The following IGSF21 variants were observed in gnomAD, a reference collection of about 807,000 sequenced individuals.
The protein encoded by IGSF21 is immunoglobulin superfamily member 21.
In IGSF21, 28 loss-of-function variants were observed where a neutral mutation model predicts 46.8. The observed-to-expected ratio is 0.60, with a 90% CI of 0.44 to 0.82. The LOEUF (loss-of-function observed/expected upper bound fraction) is 0.82. IGSF21 is among the 40% of genes least tolerant of loss of function. The pLI is 0.00. For synonymous variants in IGSF21, 284 were observed against 273.6 expected, an observed-to-expected ratio of 1.04 and a Z score of -0.38; for missense variants, 624 against 665.5, an observed-to-expected ratio of 0.94 and a Z score of 0.69.
In IGSF21 at chr1:18,156,834, G is replaced by A. The variant is rs376376946; in HGVS notation, c.70+48636G>A. Among the ~76,000 whole-genome samples, 115 of 152,284 alleles carry A rather than the reference G, an allele frequency of 7.6e-4. 2 individuals are homozygous for A. Among genetic ancestry groups the A allele is most frequent in the African/African-American group, 2.5e-3 (105 of 41,566 alleles). ...AGAGCGGACAGTGGGACTGAAATCCGGACTCAGCAGTTCCCGTCAAAAAGA... is the reference window on the plus strand; with the variant it reads ...AGAGCGGACAGTGGGACTGAAATCCAGACTCAGCAGTTCCCGTCAAAAAGA... On this transcript the variant is annotated intron_variant, in intron 1 of 9. Coordinates refer to ENST00000251296, the MANE Select transcript of IGSF21 (RefSeq NM_032880.5).
intron 1 of IGSF21, among the ~76,000 whole-genome samples, chr1:18,195,707 C>T (rs2124479110): frequency 6.6e-6 from 1 of 152,332 alleles, no homozygotes; most frequent in African/African-American, 2.4e-5. Flanking sequence ...GGCAGCGGCA[C>T]ACAACAGCTA....
intron 2 of IGSF21, among the ~76,000 whole-genome samples, chr1:18,272,364 A>G (rs1459943184): frequency 6.6e-6 from 1 of 152,134 alleles, no homozygotes; most frequent in Non-Finnish European, 1.5e-5. Flanking sequence ...CCTCTCTGCC[A>G]CTTCCTGGCT....
At chr1:18,238,889 C>T (rs764866530) in intron 2 of IGSF21, among the ~76,000 whole-genome samples, 2 of 152,188 alleles carry the variant, frequency 1.3e-5, no homozygotes, top group African/African-American at 2.4e-5. Flanking sequence ...AAAATAAAAG[C>T]GTGCAGTGAG....
chr1:18,227,961 A>G lies in IGSF21; in HGVS notation c.134A>G (p.Lys45Arg). ...GTGGCTGGAGACGCCGTGACTTTGA[A>G]GTGTAACTTCAAGACAGATGGGCGC... The part of the protein sequence containing the change: ...PVVAGDAVTL[K>R]CNFKTDGRMR... The change falls in exon 2 of 10, where the codon AAG becomes AGG. Residue 45 changes from lysine to arginine, a missense_variant. Physicochemically the swap from Lys to Arg is conservative, Grantham distance 26. Transcript: ENST00000251296. 1.2e-6 allele frequency: 2 copies of G among 1,614,084 alleles called. No individual in the cohort carries two copies. Among genetic ancestry groups the G allele is most frequent in the South Asian group, 1.1e-5 (1 of 91,076 alleles).
intron 1 of IGSF21, among the ~76,000 whole-genome samples, chr1:18,157,146 A>G (rs2086576117): frequency 6.6e-6 from 1 of 152,280 alleles, no homozygotes; most frequent in Middle Eastern, 3.4e-3. Flanking sequence ...AAGAAAAAAA[A>G]AAGAGACATT....
chr1:18,124,763 G>A (rs1365028159), intron 1 of IGSF21, among the ~76,000 whole-genome samples: 2 of 152,124 alleles, frequency 1.3e-5, no homozygotes, highest in African/African-American at 4.8e-5. Flanking sequence ...AAAGCTTCCC[G>A]CAGACAACAC....
chr1:18,260,579 A>T (rs1483276412), intron 2 of IGSF21, among the ~76,000 whole-genome samples: 5 of 152,356 alleles, frequency 3.3e-5, no homozygotes, highest in Admixed American at 1.3e-4. Flanking sequence ...CATGCAAATT[A>T]AGGTGTGAAT....
At chr1:18,197,528 G>T (rs1363041073) in intron 1 of IGSF21, among the ~76,000 whole-genome samples, 4 of 152,232 alleles carry the variant, frequency 2.6e-5, no homozygotes, top group African/African-American at 4.8e-5. Flanking sequence ...AACTGCATTT[G>T]TCTGGTGCTG....
chr1:18,298,483 C>T (rs906703747), intron 3 of IGSF21, among the ~76,000 whole-genome samples: 13 of 152,198 alleles, frequency 8.5e-5, no homozygotes, highest in African/African-American at 3.1e-4. Flanking sequence ...CACACACATG[C>T]TGTGTCTTCC....
intron 1 of IGSF21, among the ~76,000 whole-genome samples, chr1:18,143,866 G>A (rs956567886): frequency 1.3e-5 from 2 of 152,086 alleles, no homozygotes; most frequent in Non-Finnish European, 2.9e-5. Context: ...CATCAGACTT[G>A]GATTCTCTCC....
intron 1 of IGSF21, among the ~76,000 whole-genome samples, chr1:18,185,692 T>TA (rs373468702): frequency 4.6e-4 from 70 of 152,348 alleles, no homozygotes; most frequent in African/African-American, 1.6e-3. Context: ...CAAGCAACTT[T>TA]ACCTCTCCGT....
intron 1 of IGSF21, among the ~76,000 whole-genome samples, chr1:18,172,042 C>T (rs1428269439): frequency 6.6e-6 from 1 of 152,214 alleles, no homozygotes; most frequent in Non-Finnish European, 1.5e-5. Flanking sequence ...AGGGCTGGAA[C>T]CACAGCAGCC....
chr1:18,347,029 C>T (rs1344929992), intron 4 of IGSF21, among the ~76,000 whole-genome samples: 1 of 152,154 alleles, frequency 6.6e-6, no homozygotes, highest in Non-Finnish European at 1.5e-5. Flanking sequence ...GAGAGAGGGG[C>T]CAGACAGATG....
At chr1:18,267,627 G>A (rs1569675342) in intron 2 of IGSF21, among the ~76,000 whole-genome samples, 1 of 152,350 alleles carries the variant, frequency 6.6e-6, no homozygotes, top group Middle Eastern at 3.4e-3. Context: ...CGGGAGAAGA[G>A]GGTAGCTCTG....
rs2085255423 is a variant in IGSF21, at chr1:18,290,499, C to T, written c.184-1367C>T. Among the ~76,000 whole-genome samples the T allele has an allele frequency of 6.6e-6, 1 of 152,192 alleles. No individual in the cohort carries two copies. The highest frequency in any genetic ancestry group is 1.5e-5 in the Non-Finnish European group (1 of 68,040). On this transcript the variant is annotated intron_variant, in intron 2 of 9. Transcript: ENST00000251296. The surrounding 1 kb of genome is among the most constrained non-coding windows in gnomAD (Gnocchi z 4.2). ...CATCCCCCGTCCTCACAGAGGCCAC[C>T]TTACTCTTTACAAAGCTTGCAGGCT...
At chr1:18,295,933 C>T (rs1012402731) in intron 3 of IGSF21, among the ~76,000 whole-genome samples, 2 of 152,158 alleles carry the variant, frequency 1.3e-5, no homozygotes, top group Non-Finnish European at 2.9e-5. Flanking sequence ...CTCGTATGCC[C>T]AGCTCTCAGC....
At chr1:18,220,740 G>T (rs906377831) in intron 1 of IGSF21, among the ~76,000 whole-genome samples, 2 of 152,178 alleles carry the variant, frequency 1.3e-5, no homozygotes, top group Non-Finnish European at 2.9e-5. Flanking sequence ...ATCCTTGAAG[G>T]ATGCCCAGGA....
At chr1:18,298,170 G>A (rs113673580) in intron 3 of IGSF21, among the ~76,000 whole-genome samples, 4,836 of 152,172 alleles carry the variant, frequency 0.032, 259 homozygotes, top group African/African-American at 0.11. Flanking sequence ...GTCAGCTGAC[G>A]TTCACTCTCT....
intron 1 of IGSF21, among the ~76,000 whole-genome samples, chr1:18,147,122 G>C (rs1161206298): frequency 1.3e-5 from 2 of 152,164 alleles, no homozygotes; most frequent in African/African-American, 4.8e-5. Context: ...CCTCCCTGCT[G>C]GTCTTGCGGC....
Sources: allele counts gnomAD v4.1 joint callset (sites outside exome capture counted in the v4.1 genomes callset), GRCh38; gene constraint gnomAD v4.1.1; non-coding constraint Gnocchi (gnomAD v3.1); transcripts MANE v1.5; gene names NCBI Gene and HGNC (gene_info 2026-07-23, HGNC 2026-07-21).